The following ARHGAP10 variants were observed in gnomAD, a reference collection of about 807,000 sequenced individuals.
ARHGAP10 encodes the protein Rho GTPase activating protein 10, also known as rho GTPase-activating protein 10.
A neutral mutation model predicts 108.6 loss-of-function variants in ARHGAP10; 87 were observed. The observed-to-expected ratio is 0.80, with a 90% CI of 0.67 to 0.96. ARHGAP10 has a LOEUF of 0.96. Among genes scored for constraint, ARHGAP10 ranks in the 40% least tolerant of loss-of-function variants. The pLI is 0.00. For synonymous variants in ARHGAP10, 347 were observed against 341.1 expected, an observed-to-expected ratio of 1.02 and a Z score of -0.19; for missense variants, 939 against 954.5, an observed-to-expected ratio of 0.98 and a Z score of 0.21.
At chr4:147,732,557 C>A in intron 1 of ARHGAP10, 102 bp downstream of exon 1, 1 of 1,495,976 alleles carries the variant, frequency 6.7e-7, no homozygotes, top group Non-Finnish European at 9.1e-7. Flanking sequence ...GGCCAGCAGC[C>A]AGAGGAACGG....
intron 18 of ARHGAP10, among the ~76,000 whole-genome samples, chr4:147,971,497 G>C (rs909804343): frequency 2.0e-5 from 3 of 152,226 alleles, no homozygotes; most frequent in Non-Finnish European, 2.9e-5. Flanking sequence ...TTTATGTTCA[G>C]CTGCAGGGAA....
intron 3 of ARHGAP10, among the ~76,000 whole-genome samples, chr4:147,836,552 A>G (rs1013076840): frequency 1.2e-4 from 18 of 152,212 alleles, no homozygotes; most frequent in African/African-American, 2.9e-4. Flanking sequence ...GCCATTTCCT[A>G]TTAATCGGCT....
intron 19 of ARHGAP10, among the ~76,000 whole-genome samples, chr4:148,038,408 C>T (rs1290340785): frequency 2.0e-5 from 3 of 152,136 alleles, no homozygotes; most frequent in Non-Finnish European, 2.9e-5. Context: ...CCTACTGCAA[C>T]ATTTTATAAT....
rs57572532 is a variant in ARHGAP10, at chr4:147,766,799, CAT to C, written c.154+34383_154+34384del. The stretch of plus-strand genomic sequence containing the variant: ...TCATATATATTCATACATATATTCA[CAT>C]ATATATATATATATATATATATATA... On this transcript the variant is annotated intron_variant, in intron 1 of 22. Coordinates refer to ENST00000336498, the MANE Select transcript of ARHGAP10 (RefSeq NM_024605.4). Among the ~76,000 whole-genome samples, 430 of 126,264 alleles carry C rather than the reference CAT, an allele frequency of 3.4e-3. 2 individuals are homozygous for C. Among genetic ancestry groups the C allele is most frequent in the African/African-American group, 0.013 (349 of 27,196 alleles). The allele number at this position is 126,264 out of a possible 152,430, so 82.8% of individuals were successfully genotyped here.
chr4:148,014,096 A>G (rs1008948497), intron 18 of ARHGAP10, among the ~76,000 whole-genome samples: 1 of 152,258 alleles, frequency 6.6e-6, no homozygotes, highest in African/African-American at 2.4e-5. Flanking sequence ...AAGAGGAGAA[A>G]AAAAGGAATG....
At chr4:147,835,118 A>G (rs1004926834) in intron 3 of ARHGAP10, among the ~76,000 whole-genome samples, 110 of 152,260 alleles carry the variant, frequency 7.2e-4, no homozygotes, top group African/African-American at 2.6e-3. Flanking sequence ...AAATATTTTG[A>G]GTGCCTACTA....
At chr4:147,848,561 G>A (rs983354985) in intron 4 of ARHGAP10, among the ~76,000 whole-genome samples, 1 of 152,230 alleles carries the variant, frequency 6.6e-6, no homozygotes, top group African/African-American at 2.4e-5. Flanking sequence ...GTCTCTTTAA[G>A]CTCTTTAAAG....
At chr4:148,048,036 T>A (rs1728965223) in intron 20 of ARHGAP10, among the ~76,000 whole-genome samples, 2 of 152,180 alleles carry the variant, frequency 1.3e-5, no homozygotes, top group Admixed American at 1.3e-4. Flanking sequence ...TTGGCCAGGC[T>A]GGTCTCAGAC....
chr4:147,804,173 G>A (rs1419308865), intron 1 of ARHGAP10, among the ~76,000 whole-genome samples: 2 of 151,838 alleles, frequency 1.3e-5, no homozygotes, highest in African/African-American at 4.8e-5. Context: ...CCCTCAAGTA[G>A]CCCCCCAGGT....
At chr4:147,992,397 ATTTTGTATTTTTAAATTTAATTTT>A (rs1423104103) in intron 18 of ARHGAP10, among the ~76,000 whole-genome samples, 1 of 151,906 alleles carries the variant, frequency 6.6e-6, no homozygotes, top group African/African-American at 2.4e-5. Flanking sequence ...AAAGCGTTTT[ATTTTGTATTTTTAAATTTAATTTT>A]TTTTGTGGAG....
intron 7 of ARHGAP10, among the ~76,000 whole-genome samples, chr4:147,867,848 AGT>A (rs1734630304): frequency 7.9e-6 from 1 of 126,580 alleles, no homozygotes; most frequent in South Asian, 3.0e-4. Context: ...TGGGCGACAG[AGT>A]GAGACTCTGT....
intron 1 of ARHGAP10, among the ~76,000 whole-genome samples, chr4:147,756,896 TC>T (rs1729395766): frequency 6.6e-6 from 1 of 151,700 alleles, no homozygotes; most frequent in African/African-American, 2.4e-5. Context: ...TTTTTTTTTT[TC>T]ATCAGATTAT....
intron 19 of ARHGAP10, among the ~76,000 whole-genome samples, chr4:148,043,308 T>C (rs1431440787): frequency 6.6e-6 from 1 of 152,032 alleles, no homozygotes; most frequent in East Asian, 1.9e-4. Context: ...ACCATTTTTG[T>C]TCACTCACTG....
At chr4:148,000,004 G>A (rs573687404) in intron 18 of ARHGAP10, among the ~76,000 whole-genome samples, 12 of 151,236 alleles carry the variant, frequency 7.9e-5, no homozygotes, top group African/African-American at 2.4e-4. Flanking sequence ...GTATACATGC[G>A]CCACGTTGGT....
chr4:148,068,036 C>T (rs1010591910), intron 22 of ARHGAP10, among the ~76,000 whole-genome samples: 9 of 151,098 alleles, frequency 6.0e-5, no homozygotes, highest in African/African-American at 1.2e-4. Flanking sequence ...AGGGCAGTGA[C>T]GTTCCTGTGA....
At chr4:148,009,739 C>T (rs1741098492) in intron 18 of ARHGAP10, among the ~76,000 whole-genome samples, 1 of 152,134 alleles carries the variant, frequency 6.6e-6, no homozygotes, top group Non-Finnish European at 1.5e-5. Flanking sequence ...TCCATCTAGT[C>T]AGATGGACTA....
chr4:147,966,832 A>G lies in ARHGAP10; in HGVS notation c.1709A>G (p.His570Arg), dbSNP rs370340384. Residue 570 changes from histidine (H) to arginine (R), a missense_variant, in exon 18 of 23, where the codon CAT becomes CGT. Transcript: ENST00000336498. The stretch of plus-strand genomic sequence containing the variant: ...GTTGTGGAAATCTTAATTGAAAACC[A>G]TGAAAAGGTAAAATTTTTTTTTTCT... ...NIVVEILIEN[H>R]EKIFRTPPDT... is the part of the protein sequence containing the mutation. 9.5e-6 allele frequency: 15 copies of G among 1,572,500 alleles called. No individual in the cohort carries two copies. Among genetic ancestry groups the G allele is most frequent in the African/African-American group, 1.4e-5 (1 of 73,694 alleles).
At chr4:147,826,491 C>T (rs138447480) in intron 3 of ARHGAP10, among the ~76,000 whole-genome samples, 2 of 152,318 alleles carry the variant, frequency 1.3e-5, no homozygotes, top group African/African-American at 4.8e-5. Context: ...TGCTGGAAAG[C>T]AGGACGCTGT....
At chr4:147,884,780 C>G (rs889352077) in intron 10 of ARHGAP10, among the ~76,000 whole-genome samples, 1 of 152,198 alleles carries the variant, frequency 6.6e-6, no homozygotes, top group Non-Finnish European at 1.5e-5. Flanking sequence ...CCTAGCGTCA[C>G]TAGTGCAAGA....
Sources: allele counts gnomAD v4.1 joint callset (sites outside exome capture counted in the v4.1 genomes callset), GRCh38; gene constraint gnomAD v4.1.1; transcripts MANE v1.5; gene names NCBI Gene and HGNC (gene_info 2026-07-23, HGNC 2026-07-21).